DACH1: variants seen among roughly 807,000 people sequenced by gnomAD.
The protein encoded by DACH1 is dachshund family transcription factor 1, also known as dachshund homolog 1.
In DACH1, 12 loss-of-function variants were observed where a neutral mutation model predicts 54.2. The observed-to-expected ratio is 0.22, with a 90% confidence interval of 0.14 to 0.36. The LOEUF is 0.36. DACH1 is among the 10% of genes least tolerant of loss of function. The pLI is 1.00. For synonymous variants in DACH1, 386 were observed against 366.2 expected (o/e 1.05, Z -0.62); for missense variants, 805 against 929.8 (o/e 0.87, Z 1.75).
rs567971555 is a variant in DACH1 at position 71,439,338 on chromosome 13, G to A, written c.*1317C>T. The A allele has an allele frequency of 2.6e-5, 4 of 152,450 alleles. No individual in the cohort carries two copies. The highest frequency in any genetic ancestry group is 4.1e-4 in the South Asian group (2 of 4,822). The allele number at this position is 152,450 out of a possible 1,614,324, so 9.4% of individuals were successfully genotyped here. ...CCGCTTTACTTCCAGTTATCTGCAC[G>A]AAAGTGAAAACACATACTGTAACTT... On this transcript the variant is annotated 3_prime_UTR_variant, in exon 11 of 11. Coordinates refer to ENST00000613252, the MANE Select transcript of DACH1 (RefSeq NM_080759.6).
At chr13:71,785,458 T>A (rs1259481242) in intron 1 of DACH1, among the ~76,000 whole-genome samples, 3 of 152,206 alleles carry the variant, frequency 2.0e-5, no homozygotes, top group African/African-American at 7.2e-5. Flanking sequence ...CCCTTTACAT[T>A]GCTAACCAGT....
intron 6 of DACH1, among the ~76,000 whole-genome samples, chr13:71,527,140 T>C (rs1237802964): frequency 6.6e-6 from 1 of 151,920 alleles, no homozygotes; most frequent in East Asian, 1.9e-4. Context: ...GTTTGCAAGA[T>C]CAATTTAATA....
At chr13:71,658,658 A>T (rs1879296457) in intron 2 of DACH1, among the ~76,000 whole-genome samples, 1 of 152,210 alleles carries the variant, frequency 6.6e-6, no homozygotes, top group Non-Finnish European at 1.5e-5. Context: ...TGTAGGAAAT[A>T]TTAGCTATAA....
intron 1 of DACH1, among the ~76,000 whole-genome samples, chr13:71,851,367 T>C (rs954116758): frequency 2.0e-5 from 3 of 152,228 alleles, no homozygotes; most frequent in African/African-American, 7.2e-5. Flanking sequence ...ACATTTAGTA[T>C]ATTACATTAT....
chr13:71,747,765 A>C (rs1884661342), intron 1 of DACH1, among the ~76,000 whole-genome samples: 1 of 152,140 alleles, frequency 6.6e-6, no homozygotes, highest in Non-Finnish European at 1.5e-5. Flanking sequence ...GGAGGAAGCA[A>C]GGAAATCTGA....
chr13:71,560,986 CA>C (rs1884547985), intron 4 of DACH1, among the ~76,000 whole-genome samples: 1 of 151,918 alleles, frequency 6.6e-6, no homozygotes, highest in Non-Finnish European at 1.5e-5. Context: ...TATGCAATTA[CA>C]AAATAGAGAA....
chr13:71,841,025 A>G (rs1215495492), intron 1 of DACH1, among the ~76,000 whole-genome samples: 1 of 152,170 alleles, frequency 6.6e-6, no homozygotes, highest in Non-Finnish European at 1.5e-5. Context: ...GAAGAAGCCT[A>G]AATAGGGTAA....
chr13:71,820,997 C>T (rs935961874), intron 1 of DACH1, among the ~76,000 whole-genome samples: 9 of 152,210 alleles, frequency 5.9e-5, no homozygotes, highest in African/African-American at 1.7e-4. Context: ...AAAACAGAGG[C>T]CAATAAGACA....
At chr13:71,470,871 T>C (rs1877008567) in intron 10 of DACH1, among the ~76,000 whole-genome samples, 2 of 152,006 alleles carry the variant, frequency 1.3e-5, no homozygotes, top group South Asian at 4.2e-4. Context: ...CCAGCTACCA[T>C]AGAGATAAGA....
chr13:71,639,167 A>G (rs1347109762), intron 2 of DACH1, among the ~76,000 whole-genome samples: 2 of 152,140 alleles, frequency 1.3e-5, no homozygotes, highest in East Asian at 3.9e-4. Context: ...ACCAGCTGTC[A>G]GAAACTGACA....
intron 4 of DACH1, among the ~76,000 whole-genome samples, chr13:71,561,402 T>A (rs1438887240): frequency 1.3e-5 from 2 of 152,168 alleles, no homozygotes; most frequent in Non-Finnish European, 2.9e-5. Flanking sequence ...TAATCCCACG[T>A]GAGTCGTGTC....
At chr13:71,486,288 T>A (rs760728114) in intron 7 of DACH1, among the ~76,000 whole-genome samples, 1 of 152,072 alleles carries the variant, frequency 6.6e-6, no homozygotes. Context: ...TTAAACTTAC[T>A]ACACAAAAAG....
At chr13:71,554,096 G>C (rs1472240054) in intron 6 of DACH1, among the ~76,000 whole-genome samples, 1 of 151,900 alleles carries the variant, frequency 6.6e-6, no homozygotes, top group African/African-American at 2.4e-5. Flanking sequence ...ATGAGTTGTA[G>C]GAAAGTTACA....
rs751968466 is a variant in DACH1, at chr13:71,846,167, C to A, written c.848+19755G>T. The A allele has an allele frequency of 3.8e-4, 82 of 214,874 alleles. No homozygotes were observed. In the Middle Eastern group the frequency reaches 8.5e-3, roughly 22 times the overall value. The allele number at this position is 214,874 out of a possible 1,614,324, so 13.3% of individuals were successfully genotyped here. A position where few individuals can be genotyped will look rare whatever the true frequency, so the allele number is the denominator to read the frequency against. On this transcript the variant is annotated intron_variant, in intron 1 of 10. Transcript: ENST00000613252. ...GCGAGAACAGCACACTGACTCCTGGCGGCAAACCAAACAAATCCAGAGTTA... is the reference window on the plus strand; with the variant it reads ...GCGAGAACAGCACACTGACTCCTGGAGGCAAACCAAACAAATCCAGAGTTA...
At chr13:71,678,612 T>TCTTC (rs1566427037) in intron 2 of DACH1, among the ~76,000 whole-genome samples, 1 of 143,950 alleles carries the variant, frequency 6.9e-6, no homozygotes, top group Non-Finnish European at 1.5e-5. Context: ...CTCCCTCCCT[T>TCTTC]CTTCCTTCCT....
intron 1 of DACH1, among the ~76,000 whole-genome samples, chr13:71,689,447 C>T (rs1292496287): frequency 6.6e-6 from 1 of 152,020 alleles, no homozygotes; most frequent in East Asian, 1.9e-4. Context: ...TTACTCTCTA[C>T]CAGAGGAAAT....
At chr13:71,692,503 T>C (rs1881550566) in intron 1 of DACH1, among the ~76,000 whole-genome samples, 2 of 134,142 alleles carry the variant, frequency 1.5e-5, no homozygotes, top group African/African-American at 5.5e-5. Flanking sequence ...TTTCTTTTCT[T>C]TCCTTTTTTT....
At chr13:71,622,844 T>G (rs1876346520) in intron 3 of DACH1, among the ~76,000 whole-genome samples, 1 of 151,804 alleles carries the variant, frequency 6.6e-6, no homozygotes, top group African/African-American at 2.4e-5. Flanking sequence ...TTAACAGGTT[T>G]ACTCTATTAT....
chr13:71,848,554 T>A (rs935698552), intron 1 of DACH1, among the ~76,000 whole-genome samples: 3 of 152,126 alleles, frequency 2.0e-5, no homozygotes, highest in Non-Finnish European at 4.4e-5. Flanking sequence ...TTCAGTTTTT[T>A]TTTTTGGAAA....
Sources: gnomAD v4.1 joint callset for allele counts (sites outside exome capture counted in the v4.1 genomes callset) on GRCh38, gnomAD v4.1.1 for gene constraint, MANE v1.5 for transcripts, NCBI Gene and HGNC (gene_info 2026-07-23, HGNC 2026-07-21) for gene names.